Variants in PLCL2 observed in about 807,000 individuals in gnomAD.
PLCL2 encodes the protein inactive phospholipase C-like protein 2.
PLCL2 carries 4 observed loss-of-function variants against 79.6 expected under a neutral mutation model. The ratio of observed to expected loss-of-function variants is 0.05; its 90% confidence interval spans 0.02 to 0.11. The LOEUF is 0.11. Among genes scored for constraint, PLCL2 ranks in the 10% least tolerant of loss-of-function variants. The pLI is 1.00. For missense variants in PLCL2, 895 were observed against 1,291.0 expected (o/e 0.69, Z 4.70); for synonymous variants, 484 against 457.7 (o/e 1.06, Z -0.73).
intron 1 of PLCL2, among the ~76,000 whole-genome samples, chr3:16,917,123 T>G (rs1053234674): frequency 6.6e-6 from 1 of 152,170 alleles, no homozygotes; most frequent in African/African-American, 2.4e-5. Context: ...CGGATGTACA[T>G]AGGACACGGT....
chr3:16,904,426 A>G (rs1696705176), intron 1 of PLCL2, among the ~76,000 whole-genome samples: 1 of 152,050 alleles, frequency 6.6e-6, no homozygotes. Context: ...TTGTGTTTTA[A>G]AAAAGGGAAA....
intron 1 of PLCL2, among the ~76,000 whole-genome samples, chr3:16,908,469 T>G (rs1696800144): frequency 6.6e-6 from 1 of 152,224 alleles, no homozygotes; most frequent in South Asian, 2.1e-4. Context: ...CTTTTTTCTT[T>G]TAATGTACCC....
intron 1 of PLCL2, among the ~76,000 whole-genome samples, chr3:16,936,797 A>G (rs1028085095): frequency 6.6e-6 from 1 of 152,164 alleles, no homozygotes; most frequent in Non-Finnish European, 1.5e-5. Flanking sequence ...TTGGCATATC[A>G]GAGATCAGGA....
intron 1 of PLCL2, among the ~76,000 whole-genome samples, chr3:16,927,136 G>A (rs997424653): frequency 3.3e-5 from 5 of 151,880 alleles, no homozygotes; most frequent in African/African-American, 1.2e-4. Context: ...AAACAAAATC[G>A]TCATCCCTTT....
chr3:17,023,435 G>A (rs2064478155), intron 3 of PLCL2, among the ~76,000 whole-genome samples: 1 of 152,170 alleles, frequency 6.6e-6, no homozygotes, highest in Non-Finnish European at 1.5e-5. Context: ...GGAGGTAGTT[G>A]AATCATGGGG....
At chr3:16,897,590 G>A (rs1341973898) in intron 1 of PLCL2, among the ~76,000 whole-genome samples, 2 of 152,220 alleles carry the variant, frequency 1.3e-5, no homozygotes, top group Non-Finnish European at 2.9e-5. Flanking sequence ...TAAAAACGCT[G>A]TTTACTCACA....
At chr3:16,951,556 T>A (rs1262161337) in intron 1 of PLCL2, among the ~76,000 whole-genome samples, 2 of 152,124 alleles carry the variant, frequency 1.3e-5, no homozygotes, top group African/African-American at 4.8e-5. Flanking sequence ...TTCTATATGT[T>A]TATTTTCTTT....
intron 5 of PLCL2, among the ~76,000 whole-genome samples, chr3:17,083,199 G>A (rs1204953757): frequency 6.6e-6 from 1 of 152,160 alleles, no homozygotes; most frequent in African/African-American, 2.4e-5. Context: ...GGAAGTGGGA[G>A]TTCTAATTAG....
In PLCL2 at chr3:17,019,704, A is replaced by G. The variant is rs550566026; in HGVS notation, c.3018+4793A>G. Among the ~76,000 whole-genome samples, 6 of 152,374 alleles carry G rather than the reference A, an allele frequency of 3.9e-5. No individual in the cohort carries two copies. In the South Asian group the frequency reaches 1.2e-3, roughly 32 times the overall value. On this transcript the variant is annotated intron_variant, in intron 3 of 5. Transcript: ENST00000615277. ...AAGGCAGATTTAATGCACTTAAAAT[A>G]AAGAAAACTGTAATCAGTAGATCAA...
At chr3:16,958,466 AAG>A (rs1553638876) in intron 1 of PLCL2, among the ~76,000 whole-genome samples, 1 of 152,218 alleles carries the variant, frequency 6.6e-6, no homozygotes, top group East Asian at 1.9e-4. Flanking sequence ...GTAATAAAAA[AAG>A]TGCAAGCAAA....
intron 4 of PLCL2, among the ~76,000 whole-genome samples, chr3:17,058,513 G>A (rs1559534907): frequency 6.6e-6 from 1 of 152,110 alleles, no homozygotes; most frequent in Non-Finnish European, 1.5e-5. Context: ...GCTGAAGACT[G>A]GGGCAGGCCT....
chr3:17,044,927 G>A (rs919552853), intron 4 of PLCL2, among the ~76,000 whole-genome samples: 6 of 152,160 alleles, frequency 3.9e-5, no homozygotes, highest in Admixed American at 6.5e-5. Context: ...AGGATGGGGG[G>A]AGAATAACCA....
chr3:16,981,150 GGGGAGA>G (rs11280620), intron 1 of PLCL2, among the ~76,000 whole-genome samples: 4 of 150,666 alleles, frequency 2.7e-5, no homozygotes, highest in South Asian at 2.1e-4. Context: ...GGGAGACTCG[GGGGAGA>G]GGGAGAGGGA....
At chr3:17,049,176 C>T (rs1194140492) in intron 4 of PLCL2, among the ~76,000 whole-genome samples, 2 of 151,538 alleles carry the variant, frequency 1.3e-5, no homozygotes, top group African/African-American at 4.9e-5. Flanking sequence ...CACCTATAGA[C>T]TAATATGATT....
At position 16,998,155 on chromosome 3, in the gene PLCL2, C is replaced by A. The variant is rs190506873; in HGVS notation, c.328-11519C>A. Among the ~76,000 whole-genome samples the A allele has an allele frequency of 4.6e-5, 7 of 151,658 alleles. 1 individual carries two copies. The South Asian group carries it at 1.3e-3, about 27-fold the overall frequency. ...CCCTGGATTGCATTTTTTCCCTCAA[C>A]CCCAAGCAGTGCCAGAGTTAAAGAT... On this transcript the variant is annotated intron_variant, in intron 1 of 5. Transcript: ENST00000615277.
intron 1 of PLCL2, among the ~76,000 whole-genome samples, chr3:16,937,972 G>A (rs145693667): frequency 1.1e-4 from 16 of 152,258 alleles, no homozygotes; most frequent in Non-Finnish European, 1.9e-4. Flanking sequence ...GGTTTGAAAG[G>A]TGGCAATTCA....
At chr3:17,075,976 A>G (rs939464582) in intron 5 of PLCL2, among the ~76,000 whole-genome samples, 5 of 152,350 alleles carry the variant, frequency 3.3e-5, no homozygotes, top group Admixed American at 6.5e-5. Flanking sequence ...TAAACCTGCA[A>G]TGAACATTCA....
intron 4 of PLCL2, among the ~76,000 whole-genome samples, chr3:17,054,528 T>C (rs1235219683): frequency 6.6e-6 from 1 of 152,076 alleles, no homozygotes; most frequent in East Asian, 1.9e-4. Context: ...AAACTTACAG[T>C]CATGGTGGAA....
intron 1 of PLCL2, among the ~76,000 whole-genome samples, chr3:16,940,480 G>T (rs985341546): frequency 6.6e-6 from 1 of 152,126 alleles, no homozygotes; most frequent in African/African-American, 2.4e-5. Context: ...GCAACAGTAG[G>T]TACTGGGGGC....
Sources: allele counts gnomAD v4.1 joint callset (sites outside exome capture counted in the v4.1 genomes callset), GRCh38; gene constraint gnomAD v4.1.1; transcripts MANE v1.5; gene names NCBI Gene and HGNC (gene_info 2026-07-23, HGNC 2026-07-21).